The following E2F3 variants were observed in gnomAD, a reference collection of about 807,000 sequenced individuals.
E2F3 encodes the protein transcription factor E2F3.
In E2F3, 11 loss-of-function variants were observed where a neutral mutation model predicts 44.4. The observed-to-expected ratio is 0.25, with a 90% CI of 0.16 to 0.41. The LOEUF (loss-of-function observed/expected upper bound fraction) is 0.41, where lower values mean the gene tolerates loss of function less well. Ranked by LOEUF, E2F3 falls within the 10% of genes least tolerant of loss-of-function variation. The pLI is 1.00. For synonymous variants in E2F3, 249 were observed against 253.0 expected (o/e 0.98, Z 0.15); for missense variants, 487 against 583.6 (o/e 0.83, Z 1.70).
At chr6:20,464,719 A>G (rs899731575) in intron 1 of E2F3, among the ~76,000 whole-genome samples, 2 of 152,144 alleles carry the variant, frequency 1.3e-5, no homozygotes, top group African/African-American at 2.4e-5. Context: ...AGCATTTCCC[A>G]CTCAGATGTA....
At chr6:20,415,509 TAAC>T (rs1479938251) in intron 1 of E2F3, among the ~76,000 whole-genome samples, 2 of 152,156 alleles carry the variant, frequency 1.3e-5, no homozygotes, top group East Asian at 1.9e-4. Context: ...CACCACTAGT[TAAC>T]AACAATCGAA....
At chr6:20,411,024 G>A (rs555566979) in intron 1 of E2F3, among the ~76,000 whole-genome samples, 145 of 152,272 alleles carry the variant, frequency 9.5e-4, no homozygotes, top group African/African-American at 3.3e-3. Context: ...AATGGCTCTC[G>A]CCTAATGCAG....
chr6:20,423,698 T>G (rs796139189), intron 1 of E2F3, among the ~76,000 whole-genome samples: 28 of 152,194 alleles, frequency 1.8e-4, no homozygotes, highest in African/African-American at 6.7e-4. Flanking sequence ...CTCGAACTCC[T>G]CACGTCGTGA....
At position 20,482,935 on chromosome 6, in the gene E2F3, G is replaced by A. The variant is rs763598966; in HGVS notation, c.884+15G>A. 25 of 1,612,458 alleles carry A rather than the reference G, an allele frequency of 1.6e-5. No homozygotes were observed. Among genetic ancestry groups the A allele is most frequent in the East Asian group, 1.1e-4 (5 of 44,788 alleles). The stretch of plus-strand genomic sequence containing the variant: ...GAGAATCAAAGATATCCTTTGTGCC[G>A]CCAGTTCTCTGGGGGTTAGTGCTTC... On this transcript the variant is annotated intron_variant, in intron 4 of 6. Coordinates refer to ENST00000346618, the MANE Select transcript of E2F3 (RefSeq NM_001949.5).
chr6:20,429,195 C>G (rs551401441), intron 1 of E2F3, among the ~76,000 whole-genome samples: 1 of 152,300 alleles, frequency 6.6e-6, no homozygotes, highest in Admixed American at 6.5e-5. Context: ...CTTTGCCTAT[C>G]ACAGGCATTC....
intron 1 of E2F3, among the ~76,000 whole-genome samples, chr6:20,423,459 T>A (rs1187778954): frequency 6.6e-6 from 1 of 152,248 alleles, no homozygotes; most frequent in Non-Finnish European, 1.5e-5. Context: ...GGCAGATGAC[T>A]ACATGTGACA....
At position 20,480,588 on chromosome 6, in the gene E2F3, C is replaced by T. The variant is rs555042946; in HGVS notation, c.506-618C>T. Among the ~76,000 whole-genome samples, 17 of 152,330 alleles carry T rather than the reference C, an allele frequency of 1.1e-4. No homozygotes were observed. The East Asian group carries it at 1.9e-3, about 17-fold the overall frequency. ...GTGTGACACTAAATTAAAACCTTGA[C>T]CTGTGCACCTATGGGGGAACAAGTA... On this transcript the variant is annotated intron_variant, in intron 2 of 6. Transcript: ENST00000346618.
chr6:20,453,609 G>T (rs1379054475), intron 1 of E2F3, among the ~76,000 whole-genome samples: 1 of 151,930 alleles, frequency 6.6e-6, no homozygotes, highest in East Asian at 1.9e-4. Flanking sequence ...ACGAGGTCTC[G>T]CTACATTGTC....
chr6:20,414,284 G>A (rs572442260), intron 1 of E2F3, among the ~76,000 whole-genome samples: 8 of 152,138 alleles, frequency 5.3e-5, no homozygotes, highest in Non-Finnish European at 1.2e-4. Flanking sequence ...GCAGAGACGA[G>A]CCATCAGATG....
At chr6:20,430,956 T>C (rs746202704) in intron 1 of E2F3, among the ~76,000 whole-genome samples, 12 of 152,030 alleles carry the variant, frequency 7.9e-5, no homozygotes, top group Non-Finnish European at 1.3e-4. Context: ...ACCCAGGAGA[T>C]GGAGGTTGCA....
intron 1 of E2F3, chr6:20,445,161 G>A: frequency 1.8e-5 from 18 of 985,018 alleles, no homozygotes; most frequent in Non-Finnish European, 2.0e-5. Context: ...GCAGCGCCTT[G>A]TACTTAAAAA....
At chr6:20,480,891 T>C (rs1762201801) in intron 2 of E2F3, among the ~76,000 whole-genome samples, 2 of 152,182 alleles carry the variant, frequency 1.3e-5, no homozygotes, top group African/African-American at 4.8e-5. Flanking sequence ...ATTTGACAGA[T>C]ATTTTTTAGC....
chr6:20,474,409 C>A (rs1761983694), intron 1 of E2F3, among the ~76,000 whole-genome samples: 1 of 152,156 alleles, frequency 6.6e-6, no homozygotes. Context: ...CATGGAGTTC[C>A]ACACAGAATC....
chr6:20,457,303 T>C (rs1366621437), intron 1 of E2F3, among the ~76,000 whole-genome samples: 1 of 151,326 alleles, frequency 6.6e-6, no homozygotes, highest in Non-Finnish European at 1.5e-5. Flanking sequence ...GCCTCCCAAG[T>C]AGCTGGGATT....
At chr6:20,473,689 C>T (rs1032532411) in intron 1 of E2F3, among the ~76,000 whole-genome samples, 2 of 152,182 alleles carry the variant, frequency 1.3e-5, no homozygotes, top group Non-Finnish European at 2.9e-5. Context: ...CAGCCTTTCC[C>T]CAGCTCTTCT....
At chr6:20,411,837 G>A (rs1018276271) in intron 1 of E2F3, among the ~76,000 whole-genome samples, 4 of 152,094 alleles carry the variant, frequency 2.6e-5, no homozygotes, top group Non-Finnish European at 2.9e-5. Context: ...GGTCTGCCTC[G>A]TAGCCTAATC....
chr6:20,433,592 A>G (rs1471073039), intron 1 of E2F3, among the ~76,000 whole-genome samples: 2 of 152,216 alleles, frequency 1.3e-5, no homozygotes, highest in Admixed American at 1.3e-4. Flanking sequence ...CATGACTTCA[A>G]AATTACAGTA....
chr6:20,486,083 C>T (rs568121950), intron 4 of E2F3, among the ~76,000 whole-genome samples: 2 of 152,202 alleles, frequency 1.3e-5, no homozygotes, highest in East Asian at 3.9e-4. Context: ...AAATTTCTGA[C>T]CACTTAGTTT....
At chr6:20,411,929 C>G (rs551143513) in intron 1 of E2F3, among the ~76,000 whole-genome samples, 17 of 152,182 alleles carry the variant, frequency 1.1e-4, no homozygotes, top group Non-Finnish European at 2.1e-4. Context: ...CATGTGGTCC[C>G]TGCAGTGCCC....
Sources: allele counts gnomAD v4.1 joint callset (sites outside exome capture counted in the v4.1 genomes callset), GRCh38; gene constraint gnomAD v4.1.1; transcripts MANE v1.5; gene names NCBI Gene and HGNC (gene_info 2026-07-23, HGNC 2026-07-21).